The following PABPC4L variants were observed in gnomAD, a reference collection of about 807,000 sequenced individuals.
The protein encoded by PABPC4L is polyadenylate-binding protein 4-like.
For synonymous variants in PABPC4L, 169 were observed against 164.1 expected (o/e 1.03, Z -0.23); for missense variants, 452 against 451.4 (o/e 1.00, Z -0.01).
At chr4:134,135,907 CACA>C in the PABPC4L span, among the ~76,000 whole-genome samples, 7 of 152,168 alleles carry the variant, frequency 4.6e-5, no homozygotes, top group South Asian at 1.2e-3. Context: ...TCGATTGAAT[CACA>C]ACAAGTACTG....
chr4:134,153,042 T>G, the PABPC4L span, among the ~76,000 whole-genome samples: 3 of 152,144 alleles, frequency 2.0e-5, no homozygotes, highest in Non-Finnish European at 4.4e-5. Flanking sequence ...AATCTAGTCA[T>G]GTGAGATCTG....
At chr4:134,126,645 A>G in the PABPC4L span, among the ~76,000 whole-genome samples, 6 of 152,004 alleles carry the variant, frequency 3.9e-5, no homozygotes, top group African/African-American at 1.4e-4. Context: ...TCCAAATTGT[A>G]ATTTTTTATT....
At chr4:134,099,176 T>A in the PABPC4L span, among the ~76,000 whole-genome samples, 3 of 151,834 alleles carry the variant, frequency 2.0e-5, no homozygotes, top group Admixed American at 6.6e-5. Flanking sequence ...CGTAATATTT[T>A]AAAATATACG....
the PABPC4L span, among the ~76,000 whole-genome samples, chr4:134,038,651 T>C: frequency 2.0e-5 from 3 of 152,180 alleles, no homozygotes; most frequent in African/African-American, 7.2e-5. Context: ...TGTATTTTTG[T>C]GGGATCGGTG....
chr4:133,993,696 T>C, the PABPC4L span, among the ~76,000 whole-genome samples: 3 of 152,284 alleles, frequency 2.0e-5, no homozygotes, highest in East Asian at 5.8e-4. Context: ...AAAGGTTTAG[T>C]TAAGTTTCTC....
the PABPC4L span, among the ~76,000 whole-genome samples, chr4:134,128,534 A>G: frequency 1.7e-4 from 26 of 152,218 alleles, no homozygotes; most frequent in African/African-American, 4.1e-4. Context: ...TCAGCCAAAA[A>G]TTTTGTATCC....
the PABPC4L span, among the ~76,000 whole-genome samples, chr4:134,058,757 C>A: frequency 3.4e-4 from 52 of 152,110 alleles, no homozygotes; most frequent in Admixed American, 1.6e-3. Context: ...TGAGAAATAT[C>A]TTTACTATTT....
the PABPC4L span, among the ~76,000 whole-genome samples, chr4:134,114,900 GA>G: frequency 6.6e-6 from 1 of 151,848 alleles, no homozygotes; most frequent in Non-Finnish European, 1.5e-5. Context: ...TGTTATCAAA[GA>G]ATTGTAGTCA....
At chr4:134,117,991 C>T in the PABPC4L span, among the ~76,000 whole-genome samples, 1 of 151,838 alleles carries the variant, frequency 6.6e-6, no homozygotes, top group South Asian at 2.1e-4. Context: ...CAGCATTTTT[C>T]TCCTGTAATC....
chr4:134,153,232 G>T, the PABPC4L span, among the ~76,000 whole-genome samples: 1 of 151,852 alleles, frequency 6.6e-6, no homozygotes. Flanking sequence ...TATAAATAAG[G>T]TATTAATCGC....
chr4:134,186,463 T>C, the PABPC4L span, among the ~76,000 whole-genome samples: 6 of 152,258 alleles, frequency 3.9e-5, no homozygotes, highest in Non-Finnish European at 8.8e-5. Context: ...ATTTAATAAA[T>C]GGTGCTGGGA....
At chr4:134,169,098 T>A in the PABPC4L span, among the ~76,000 whole-genome samples, 2 of 151,992 alleles carry the variant, frequency 1.3e-5, no homozygotes, top group East Asian at 1.9e-4. Flanking sequence ...CAAAAGACCA[T>A]TAACCATAAA....
the PABPC4L span, among the ~76,000 whole-genome samples, chr4:134,107,118 TC>T: frequency 6.6e-6 from 1 of 151,348 alleles, no homozygotes; most frequent in East Asian, 1.9e-4. Context: ...ATTGCAGTCT[TC>T]TAAATTTTTT....
At chr4:134,003,784 G>A in the PABPC4L span, among the ~76,000 whole-genome samples, 45 of 151,796 alleles carry the variant, frequency 3.0e-4, no homozygotes, top group African/African-American at 1.1e-3. Flanking sequence ...TCTTTACACG[G>A]GAAGCAAAAC....
chr4:134,115,916 A>T, the PABPC4L span, among the ~76,000 whole-genome samples: 1 of 151,826 alleles, frequency 6.6e-6, no homozygotes, highest in Non-Finnish European at 1.5e-5. Context: ...TATAGAATTA[A>T]GTAAATATTA....
chr4:133,990,981 C>G, the PABPC4L span, among the ~76,000 whole-genome samples: 1 of 152,086 alleles, frequency 6.6e-6, no homozygotes, highest in Non-Finnish European at 1.5e-5. Flanking sequence ...GACCAATCTC[C>G]TTCATCTCCC....
At chr4:134,195,945 T>C (rs963455506), downstream of PABPC4L, among the ~76,000 whole-genome samples, 1 of 151,594 alleles carries the variant, frequency 6.6e-6, no homozygotes, top group African/African-American at 2.4e-5. Context: ...TTTGAAAGTG[T>C]AGATTTTTTA....
chr4:134,024,610 T>G, the PABPC4L span, among the ~76,000 whole-genome samples: 1 of 152,086 alleles, frequency 6.6e-6, no homozygotes, highest in Non-Finnish European at 1.5e-5. Flanking sequence ...AATTTCCTTT[T>G]TAAGGCCCTT....
the PABPC4L span, among the ~76,000 whole-genome samples, chr4:134,069,461 A>C: frequency 1.3e-5 from 2 of 152,124 alleles, no homozygotes; most frequent in Non-Finnish European, 2.9e-5. Context: ...GACATCAATG[A>C]CACACATATT....
Sources: allele counts gnomAD v4.1 joint callset (sites outside exome capture counted in the v4.1 genomes callset), GRCh38; gene constraint gnomAD v4.1.1; transcripts MANE v1.5; gene names NCBI Gene and HGNC (gene_info 2026-07-23, HGNC 2026-07-21).